Variants in CDH13 observed in about 807,000 individuals in gnomAD.
The protein encoded by CDH13 is cadherin-13.
Under a neutral mutation model 63.8 loss-of-function variants are expected in CDH13, and 24 were observed. That is an observed-to-expected ratio of 0.38 (90% CI 0.27 to 0.53). The LOEUF (loss-of-function observed/expected upper bound fraction) is 0.53, where lower values mean the gene tolerates loss of function less well. CDH13 is among the 20% of genes least tolerant of loss of function. CDH13 has a pLI of 0.85. For missense variants in CDH13, 1,049 were observed against 903.1 expected (o/e 1.16, Z -2.07); for synonymous variants, 503 against 355.3 (o/e 1.42, Z -4.67).
rs181313144 is a variant in CDH13 at position 83,532,414 on chromosome 16, C to T, written c.960+45759C>T. Among the ~76,000 whole-genome samples the T allele has an allele frequency of 5.3e-5, 8 of 152,292 alleles. No homozygotes were observed. In the East Asian group the frequency reaches 1.5e-3, roughly 29 times the overall value. On this transcript the variant is annotated intron_variant, in intron 7 of 13. Transcript: ENST00000567109. ...TTAGTTTAATGCCCAGCACCTGGAA[C>T]CAGTGCTTGGAACATGGGAGTCCCT...
chr16:82,679,316 C>T (rs1176219672), intron 1 of CDH13, among the ~76,000 whole-genome samples: 1 of 152,198 alleles, frequency 6.6e-6, no homozygotes, highest in Non-Finnish European at 1.5e-5. Flanking sequence ...GCTGTCTGAT[C>T]ACATACCTGG....
chr16:82,850,166 C>T (rs2039424751), intron 1 of CDH13, among the ~76,000 whole-genome samples: 1 of 152,132 alleles, frequency 6.6e-6, no homozygotes, highest in Admixed American at 6.6e-5. Context: ...CAAAATGAGT[C>T]AAAAACCTGC....
chr16:82,651,677 A>G (rs1910737989), intron 1 of CDH13, among the ~76,000 whole-genome samples: 1 of 152,230 alleles, frequency 6.6e-6, no homozygotes, highest in African/African-American at 2.4e-5. Context: ...ACGCCATTGG[A>G]ACAAAGCCAC....
At chr16:83,265,969 C>G (rs1460335130) in intron 5 of CDH13, among the ~76,000 whole-genome samples, 2 of 152,032 alleles carry the variant, frequency 1.3e-5, no homozygotes, top group Admixed American at 1.3e-4. Flanking sequence ...TGGATTCTCG[C>G]TCTGTCGCCC....
intron 2 of CDH13, among the ~76,000 whole-genome samples, chr16:82,963,767 G>C (rs954224236): frequency 6.6e-6 from 1 of 152,144 alleles, no homozygotes; most frequent in Non-Finnish European, 1.5e-5. Context: ...TTAGTGACAT[G>C]CATGAAGTAC....
intron 1 of CDH13, among the ~76,000 whole-genome samples, chr16:82,819,450 G>A (rs1007896010): frequency 6.6e-6 from 1 of 152,152 alleles, no homozygotes; most frequent in African/African-American, 2.4e-5. Context: ...TATACAGGAA[G>A]CTTCTAAGCT....
chr16:82,913,506 C>T (rs1475304295), intron 2 of CDH13, among the ~76,000 whole-genome samples: 1 of 152,168 alleles, frequency 6.6e-6, no homozygotes. Flanking sequence ...ATTTTACTTT[C>T]TGTGAATAAG....
intron 4 of CDH13, among the ~76,000 whole-genome samples, chr16:83,136,378 C>G (rs1054036189): frequency 6.7e-6 from 1 of 148,410 alleles, no homozygotes; most frequent in African/African-American, 2.5e-5. Context: ...CCCAGCTACT[C>G]GGGAGGCTGA....
intron 1 of CDH13, among the ~76,000 whole-genome samples, chr16:82,673,965 A>T (rs1434068602): frequency 6.6e-6 from 1 of 152,222 alleles, no homozygotes; most frequent in East Asian, 1.9e-4. Flanking sequence ...AATTAAGCCT[A>T]TGGAACAAAA....
intron 3 of CDH13, among the ~76,000 whole-genome samples, chr16:83,062,859 T>C (rs1272327184): frequency 6.6e-6 from 1 of 152,164 alleles, no homozygotes; most frequent in African/African-American, 2.4e-5. Context: ...AAAGCTTCAC[T>C]CATACACCTG....
intron 2 of CDH13, among the ~76,000 whole-genome samples, chr16:82,996,618 G>C (rs567676776): frequency 3.2e-4 from 48 of 152,268 alleles, no homozygotes; most frequent in African/African-American, 1.1e-3. Flanking sequence ...GCCTTATAAG[G>C]GGGCAATGTT....
chr16:82,839,560 G>A (rs952183464), intron 1 of CDH13, among the ~76,000 whole-genome samples: 2 of 152,128 alleles, frequency 1.3e-5, no homozygotes, highest in African/African-American at 4.8e-5. Flanking sequence ...TCCTCCCTTG[G>A]CCCTGCTCCA....
chr16:83,143,812 CT>C (rs2036634914), intron 4 of CDH13, among the ~76,000 whole-genome samples: 1 of 152,072 alleles, frequency 6.6e-6, no homozygotes, highest in African/African-American at 2.4e-5. Flanking sequence ...CACTACTCCT[CT>C]TTGCCGTTCC....
At chr16:82,803,367 G>A (rs1241204142) in intron 1 of CDH13, among the ~76,000 whole-genome samples, 1 of 152,146 alleles carries the variant, frequency 6.6e-6, no homozygotes, top group Admixed American at 6.5e-5. Context: ...TTCAGGAAGG[G>A]GCAGAGTGTT....
chr16:82,957,384 C>T (rs879290696), intron 2 of CDH13, among the ~76,000 whole-genome samples: 1 of 152,150 alleles, frequency 6.6e-6, no homozygotes, highest in African/African-American at 2.4e-5. Flanking sequence ...GGGTTGTGGG[C>T]ACTGGAATCA....
intron 10 of CDH13, among the ~76,000 whole-genome samples, chr16:83,701,460 C>A (rs374654972): frequency 6.6e-6 from 1 of 152,180 alleles, no homozygotes; most frequent in African/African-American, 2.4e-5. Flanking sequence ...GGTCGTAGGC[C>A]GTACCCCATG....
chr16:83,482,800 C>T (rs1195195923), intron 6 of CDH13, among the ~76,000 whole-genome samples: 2 of 152,178 alleles, frequency 1.3e-5, no homozygotes, highest in South Asian at 4.1e-4. Context: ...AAACCCAGAT[C>T]TGCACACTAA....
chr16:83,117,724 C>T (rs772747067), intron 3 of CDH13, among the ~76,000 whole-genome samples: 9 of 152,158 alleles, frequency 5.9e-5, no homozygotes, highest in Admixed American at 1.3e-4. Flanking sequence ...CTCCTTCTCA[C>T]GTTCTTTTTC....
intron 7 of CDH13, among the ~76,000 whole-genome samples, chr16:83,566,899 C>T (rs1311039565): frequency 6.6e-6 from 1 of 152,224 alleles, no homozygotes; most frequent in East Asian, 1.9e-4. Flanking sequence ...AGAAGAAACA[C>T]AGTGAAAGAG....
Sources: allele counts gnomAD v4.1 joint callset (sites outside exome capture counted in the v4.1 genomes callset), GRCh38; gene constraint gnomAD v4.1.1; transcripts MANE v1.5; gene names NCBI Gene and HGNC (gene_info 2026-07-23, HGNC 2026-07-21).